ICAM1: variants seen among roughly 807,000 people sequenced by gnomAD.
The protein encoded by ICAM1 is ICAM-1.
Under a neutral mutation model 42.3 loss-of-function variants are expected in ICAM1, and 28 were observed. The observed-to-expected ratio is 0.66, with a 90% confidence interval of 0.49 to 0.91. The LOEUF (loss-of-function observed/expected upper bound fraction) is 0.91, where lower values mean the gene tolerates loss of function less well. Ranked by LOEUF, ICAM1 falls within the 40% of genes least tolerant of loss-of-function variation. The pLI, the probability that ICAM1 is intolerant of heterozygous loss-of-function variation, is 0.00. For synonymous variants in ICAM1, 304 were observed against 305.9 expected (o/e 0.99, Z 0.07); for missense variants, 637 against 688.6 (o/e 0.93, Z 0.84).
At chr19:10,273,486 C>T (rs1308421871) in intron 1 of ICAM1, among the ~76,000 whole-genome samples, 2 of 126,680 alleles carry the variant, frequency 1.6e-5, no homozygotes, top group Admixed American at 7.9e-5. Context: ...GAGCTAAACT[C>T]CGTCTCAAAA....
In ICAM1 at chr19:10,274,946, T is replaced by G. The variant is rs1374469173; in HGVS notation, c.249T>G (p.Asn83Lys). The G allele has an allele frequency of 1.2e-6, 2 of 1,614,118 alleles. No homozygotes were observed. The change falls in exon 2 of 7, where the codon AAT becomes AAG. Residue 83 changes from asparagine to lysine, a missense_variant. Physicochemically the swap from Asn to Lys is moderately conservative, Grantham distance 94 (BLOSUM62 0). Coordinates refer to ENST00000264832, the MANE Select transcript of ICAM1 (RefSeq NM_000201.3). ...GNNRKVYELS[N>K]VQEDSQPMCY... is the part of the protein sequence containing the mutation. ...ACCGGAAGGTGTATGAACTGAGCAA[T>G]GTGCAAGAAGATAGCCAACCAATGT...
intron 2 of ICAM1, among the ~76,000 whole-genome samples, chr19:10,282,088 T>C (rs2145497487): frequency 7.3e-6 from 1 of 137,568 alleles, no homozygotes; most frequent in Non-Finnish European, 1.6e-5. Context: ...TTTTTTTTAA[T>C]AGAAACAGGG....
chr19:10,274,736 C>T (rs1054349357), intron 1 of ICAM1, 29 bp from the exon 2 acceptor site: 74 of 1,604,420 alleles, frequency 4.6e-5, no homozygotes, highest in Non-Finnish European at 5.7e-5. Flanking sequence ...ATTTGTAATG[C>T]CTGTCGCCTC....
chr19:10,273,980 C>G (rs1278557007), intron 1 of ICAM1, among the ~76,000 whole-genome samples: 2 of 151,548 alleles, frequency 1.3e-5, no homozygotes, highest in Non-Finnish European at 2.9e-5. Context: ...CGCCACTGCA[C>G]TCCAGTCTGA....
chr19:10,275,681 A>G (rs1415233907), intron 2 of ICAM1, among the ~76,000 whole-genome samples: 2 of 151,466 alleles, frequency 1.3e-5, no homozygotes, highest in Non-Finnish European at 1.5e-5. Context: ...CAGCCTGGGC[A>G]ACAGAGTGAG....
chr19:10,285,649 G>A lies in ICAM1; in HGVS notation c.*362G>A, dbSNP rs41436648. On this transcript the variant is annotated 3_prime_UTR_variant, in exon 7 of 7. Transcript: ENST00000264832. ...AATACTGAAACTTGCTGCCTATTGG[G>A]TATGCTGAGGCCCCACAGACTTACA... The A allele has an allele frequency of 4.4e-5, 10 of 227,898 alleles. No individual in the cohort carries two copies. The East Asian group carries it at 8.5e-4, about 19-fold the overall frequency. 14.1% of individuals were successfully genotyped at this position (227,898 alleles called of 1,614,324 possible).
rs769960199 is a variant in ICAM1 at position 10,286,532 on chromosome 19, ATT to A, written c.*1258_*1259del. On this transcript the variant is annotated 3_prime_UTR_variant, in exon 7 of 7. Transcript: ENST00000264832. ...CACAACACCACACCTGGCAAATTTG[ATT>A]TTTTTTTTTTTTCCAGAGACGGGGT... The A allele has an allele frequency of 1.5e-4, 22 of 147,232 alleles. No homozygotes were observed. Among genetic ancestry groups the A allele is most frequent in the East Asian group, 3.9e-4 (2 of 5,180 alleles). 9.1% of individuals were successfully genotyped at this position (147,232 alleles called of 1,614,324 possible). A position where few individuals can be genotyped will look rare whatever the true frequency, so the allele number is the denominator to read the frequency against.
rs751590802 is a variant in ICAM1 at position 10,283,611 on chromosome 19, G to A, written c.462G>A (p.Glu154=). Residue 154 remains glutamate (E), a synonymous_variant, in exon 3 of 7, where the codon GAG becomes GAA. Coordinates refer to ENST00000264832, the MANE Select transcript of ICAM1 (RefSeq NM_000201.3). ...ANLTVVLLRG[E]KELKREPAVG... Reference sequence around the variant, plus strand: ...TCACCGTGGTGCTGCTCCGTGGGGAGAAGGAGCTGAAACGGGAGCCAGCTG... The same window carrying A: ...TCACCGTGGTGCTGCTCCGTGGGGAAAAGGAGCTGAAACGGGAGCCAGCTG... 4 of 1,613,910 alleles carry A rather than the reference G, an allele frequency of 2.5e-6. No homozygotes were observed. The highest frequency in any genetic ancestry group is 3.4e-6 in the Non-Finnish European group (4 of 1,180,012).
chr19:10,272,634 G>A (rs557686502), intron 1 of ICAM1, among the ~76,000 whole-genome samples: 4 of 134,644 alleles, frequency 3.0e-5, no homozygotes, highest in East Asian at 2.2e-4. Context: ...GCGTGATCTC[G>A]GCTCACTGCA....
Position 10,280,868 on chromosome 19 carries a change from C to CTTTT in ICAM1, c.332-2593_332-2590dup, listed in dbSNP as rs869262659. Among the ~76,000 whole-genome samples, 15 of 70,122 alleles carry CTTTT rather than the reference C, an allele frequency of 2.1e-4. 1 individual carries two copies. Among genetic ancestry groups the CTTTT allele is most frequent in the African/African-American group, 7.8e-4 (13 of 16,670 alleles). 46.0% of individuals were successfully genotyped at this position (70,122 alleles called of 152,430 possible). On this transcript the variant is annotated intron_variant, in intron 2 of 6. Transcript: ENST00000264832. ...ACAGGCATGAGCCACCGTGCCCGGCCTTTTTTTTTTTTTTTTTTTTTTTGA... is the reference window on the plus strand; with the variant it reads ...ACAGGCATGAGCCACCGTGCCCGGCCTTTTTTTTTTTTTTTTTTTTTTTTTTTGA...
At chr19:10,276,141 C>T (rs1342292009) in intron 2 of ICAM1, among the ~76,000 whole-genome samples, 2 of 149,562 alleles carry the variant, frequency 1.3e-5, no homozygotes, top group Non-Finnish European at 3.0e-5. Context: ...CCTAGGAGTT[C>T]GAATCCATCC....
intron 1 of ICAM1, among the ~76,000 whole-genome samples, chr19:10,272,555 C>A (rs1399100743): frequency 4.6e-5 from 5 of 108,546 alleles, no homozygotes; most frequent in African/African-American, 1.5e-4. Context: ...TCTTTCTTTT[C>A]TTTTCTTTTT....
At position 10,273,407 on chromosome 19, in the gene ICAM1, G is replaced by A. The variant is rs563146604; in HGVS notation, c.68-1358G>A. On this transcript the variant is annotated intron_variant, in intron 1 of 6. Coordinates refer to ENST00000264832, the MANE Select transcript of ICAM1 (RefSeq NM_000201.3). The stretch of plus-strand genomic sequence containing the variant: ...CTCGGGAGGCTGAGGCAGGAGAATC[G>A]CTTGAACCTGGGAGGCGGAGGTTGC... Among the ~76,000 whole-genome samples, 231 of 151,318 alleles carry A rather than the reference G, an allele frequency of 1.5e-3. 1 individual carries two copies. The highest frequency in any genetic ancestry group is 0.014 in the Middle Eastern group (4 of 284).
At chr19:10,279,266 A>G (rs764911543) in intron 2 of ICAM1, among the ~76,000 whole-genome samples, 45 of 152,186 alleles carry the variant, frequency 3.0e-4, no homozygotes, top group Middle Eastern at 6.8e-3. Context: ...GGTGTAGGCC[A>G]GGTGCAGTGG....
chr19:10,281,317 G>A (rs936700026), intron 2 of ICAM1, among the ~76,000 whole-genome samples: 3 of 149,750 alleles, frequency 2.0e-5, no homozygotes, highest in African/African-American at 7.4e-5. Context: ...GAGAAATGAG[G>A]TCTTGCAATG....
At chr19:10,283,145 A>T in intron 2 of ICAM1, 2 of 204,970 alleles carry the variant, frequency 9.8e-6, no homozygotes, top group East Asian at 1.1e-4. Flanking sequence ...CAGAGGTTGC[A>T]GTGAGCCAAG....
chr19:10,278,028 A>G (rs2040029503), intron 2 of ICAM1, among the ~76,000 whole-genome samples: 1 of 152,062 alleles, frequency 6.6e-6, no homozygotes, highest in Non-Finnish European at 1.5e-5. Context: ...GCAAGACCCC[A>G]TATCTACAAA....
In ICAM1 at chr19:10,284,214, G is replaced by C; in HGVS notation, c.819G>C (p.Lys273Asn). 6.2e-7 allele frequency: 1 copy of C among 1,614,044 alleles called. No homozygotes were observed. Among genetic ancestry groups the C allele is most frequent in the South Asian group, 1.1e-5 (1 of 91,088 alleles). ...ATGGCAACGACTCCTTCTCGGCCAA[G>C]GCCTCAGTCAGTGTGACCGCAGAGG... ...VTYGNDSFSA[K>N]ASVSVTAEDE... is the part of the protein sequence containing the mutation. Residue 273 changes from lysine (K) to asparagine (N), a missense_variant, in exon 4 of 7, where the codon AAG (lysine) becomes AAC (asparagine). Physicochemically the swap from Lys to Asn is moderately conservative, Grantham distance 94. Coordinates refer to ENST00000264832, the MANE Select transcript of ICAM1 (RefSeq NM_000201.3). This position sits in a 1 kb window ranked among gnomAD's most constrained non-coding sequence, Gnocchi z 5.4.
At chr19:10,278,404 G>T (rs2040031481) in intron 2 of ICAM1, among the ~76,000 whole-genome samples, 1 of 152,086 alleles carries the variant, frequency 6.6e-6, no homozygotes, top group African/African-American at 2.4e-5. Context: ...ATGATCAAAT[G>T]ATCAGCTTTG....
Sources: allele counts gnomAD v4.1 joint callset (sites outside exome capture counted in the v4.1 genomes callset), GRCh38; gene constraint gnomAD v4.1.1; non-coding constraint Gnocchi (gnomAD v3.1); transcripts MANE v1.5; gene names NCBI Gene and HGNC (gene_info 2026-07-23, HGNC 2026-07-21).